The following FOXP1 variants were observed in gnomAD, a reference collection of about 807,000 sequenced individuals.
FOXP1 encodes the protein forkhead box protein P1.
In FOXP1, 15 loss-of-function variants were observed where a neutral mutation model predicts 98.2. The observed-to-expected ratio is 0.15, with a 90% CI of 0.10 to 0.24. The LOEUF is 0.24. Among genes scored for constraint, FOXP1 ranks in the 10% least tolerant of loss-of-function variants. The pLI, the probability that FOXP1 is intolerant of heterozygous loss-of-function variation, is 1.00. For synonymous variants in FOXP1, 371 were observed against 314.5 expected (o/e 1.18, Z -1.90); for missense variants, 633 against 848.5 (o/e 0.75, Z 3.15).
chr3:71,156,240 T>C (rs1482841565), intron 6 of FOXP1, among the ~76,000 whole-genome samples: 1 of 152,122 alleles, frequency 6.6e-6, no homozygotes, highest in Non-Finnish European at 1.5e-5. Context: ...CCATGATGCA[T>C]GGCTCTGGGA....
intron 3 of FOXP1, among the ~76,000 whole-genome samples, chr3:71,397,073 T>TACAC (rs373329722): frequency 4.7e-5 from 2 of 42,724 alleles, no homozygotes; most frequent in Non-Finnish European, 1.0e-4. Context: ...TATATATATA[T>TACAC]ACATATATAT....
chr3:71,159,371 T>G (rs536923903), intron 6 of FOXP1, among the ~76,000 whole-genome samples: 1 of 152,286 alleles, frequency 6.6e-6, no homozygotes, highest in Non-Finnish European at 1.5e-5. Flanking sequence ...ACTTAATAAC[T>G]GCCTTCAAGT....
At chr3:71,549,794 T>G (rs1276163562) in intron 2 of FOXP1, among the ~76,000 whole-genome samples, 3 of 150,374 alleles carry the variant, frequency 2.0e-5, no homozygotes, top group Non-Finnish European at 4.4e-5. Context: ...GAACTGAGAC[T>G]TGCTGAAAGC....
intron 6 of FOXP1, among the ~76,000 whole-genome samples, chr3:71,151,262 A>G (rs904490780): frequency 2.0e-5 from 3 of 152,204 alleles, no homozygotes; most frequent in Non-Finnish European, 4.4e-5. Context: ...TTCATGCTGT[A>G]TTTTATTGAT....
chr3:71,266,357 C>G (rs1307616939), intron 5 of FOXP1, among the ~76,000 whole-genome samples: 1 of 152,104 alleles, frequency 6.6e-6, no homozygotes, highest in Non-Finnish European at 1.5e-5. Flanking sequence ...TTAAGCAATT[C>G]TCCTGCCTCA....
intron 4 of FOXP1, among the ~76,000 whole-genome samples, chr3:71,338,833 G>A (rs183119425): frequency 6.6e-6 from 1 of 152,280 alleles, no homozygotes; most frequent in Admixed American, 6.5e-5. Flanking sequence ...TGCATTAATG[G>A]TTAAAAGGTG....
At chr3:71,510,611 T>C (rs946359631) in intron 2 of FOXP1, among the ~76,000 whole-genome samples, 1 of 152,176 alleles carries the variant, frequency 6.6e-6, no homozygotes, top group Non-Finnish European at 1.5e-5. Flanking sequence ...TGTAGTGTCC[T>C]CCCAGTGCTG....
intron 4 of FOXP1, among the ~76,000 whole-genome samples, chr3:71,348,129 C>T (rs574460720): frequency 6.6e-6 from 1 of 151,868 alleles, no homozygotes; most frequent in African/African-American, 2.4e-5. Flanking sequence ...CTCTCTCTCT[C>T]TAACTATTTT....
At chr3:71,272,078 A>G (rs927290487) in intron 5 of FOXP1, among the ~76,000 whole-genome samples, 2 of 152,218 alleles carry the variant, frequency 1.3e-5, no homozygotes, top group Admixed American at 1.3e-4. Flanking sequence ...GTCTTAATAG[A>G]CAGGTTCTCT....
At chr3:71,046,402 T>C (rs950177479) in intron 10 of FOXP1, among the ~76,000 whole-genome samples, 3 of 151,678 alleles carry the variant, frequency 2.0e-5, no homozygotes, top group African/African-American at 7.3e-5. Flanking sequence ...AATCAACAGA[T>C]GAATGCAAAA....
At chr3:71,257,458 C>T (rs2068726635) in intron 5 of FOXP1, among the ~76,000 whole-genome samples, 1 of 151,622 alleles carries the variant, frequency 6.6e-6, no homozygotes, top group Non-Finnish European at 1.5e-5. Context: ...GGTGGCAGGC[C>T]CCTGTAATCC....
intron 3 of FOXP1, among the ~76,000 whole-genome samples, chr3:71,480,934 T>C (rs923247741): frequency 1.5e-4 from 23 of 152,196 alleles, no homozygotes; most frequent in Non-Finnish European, 3.1e-4. Flanking sequence ...GTAGTGGTAA[T>C]TAGGCCTCAA....
chr3:71,041,513 C>T lies in FOXP1; in HGVS notation c.684G>A (p.Leu228=), dbSNP rs780860188. The change falls in exon 11 of 21, where the codon CTG becomes CTA. Residue 228 remains leucine, a synonymous_variant. Coordinates refer to ENST00000649528, the MANE Select transcript of FOXP1 (RefSeq NM_001349338.3). ...PLAQGMIPTE[L]QQLWKEVTSA... is the part of the protein sequence containing the mutation. Reference sequence around the variant, plus strand: ...TTGTCACTTCTTTCCAGAGCTGCTGCAGTTCTGTTGGAATCATGCCTGAAA... The same window carrying T: ...TTGTCACTTCTTTCCAGAGCTGCTGTAGTTCTGTTGGAATCATGCCTGAAA... The T allele has an allele frequency of 1.2e-6, 2 of 1,613,694 alleles. No homozygotes were observed. Among genetic ancestry groups the T allele is most frequent in the Non-Finnish European group, 1.7e-6 (2 of 1,179,800 alleles).
At chr3:71,312,628 G>A (rs1213838440) in intron 4 of FOXP1, among the ~76,000 whole-genome samples, 1 of 152,246 alleles carries the variant, frequency 6.6e-6, no homozygotes, top group Non-Finnish European at 1.5e-5. Flanking sequence ...ATTCAAGGCT[G>A]CAGTGAGCTA....
chr3:71,166,356 A>T lies in FOXP1; in HGVS notation c.180+31846T>A, dbSNP rs567273061. ...CATTAATGACACCTGGAAACCTGTT[A>T]CGGCCCCCATCTTCCAAAGATTCAC... On this transcript the variant is annotated intron_variant, in intron 6 of 20. Coordinates refer to ENST00000649528, the MANE Select transcript of FOXP1 (RefSeq NM_001349338.3). Among the ~76,000 whole-genome samples, 30 of 152,338 alleles carry T rather than the reference A, an allele frequency of 2.0e-4. 1 individual carries two copies. The highest frequency in any genetic ancestry group is 6.5e-4 in the African/African-American group (27 of 41,580).
intron 3 of FOXP1, among the ~76,000 whole-genome samples, chr3:71,418,935 CAAA>C (rs34398058): frequency 9.2e-6 from 1 of 108,676 alleles, no homozygotes; most frequent in African/African-American, 3.6e-5. Flanking sequence ...AGACCGGTCT[CAAA>C]AAAAAAAAAA....
At chr3:71,061,229 T>C (rs1021860727) in intron 7 of FOXP1, among the ~76,000 whole-genome samples, 1 of 152,146 alleles carries the variant, frequency 6.6e-6, no homozygotes, top group African/African-American at 2.4e-5. Context: ...ACAAACCTTT[T>C]ATCAAACAAC....
intron 6 of FOXP1, chr3:71,130,512 G>A: frequency 6.3e-7 from 1 of 1,598,428 alleles, no homozygotes. Context: ...AAAATGAAGA[G>A]TTTGGCGAAG....
chr3:71,497,471 C>T (rs2091498904), intron 2 of FOXP1, among the ~76,000 whole-genome samples: 1 of 152,158 alleles, frequency 6.6e-6, no homozygotes, highest in Non-Finnish European at 1.5e-5. Context: ...GCAGTACCCC[C>T]ACTTGCTTTC....
Sources: gnomAD v4.1 joint callset for allele counts (sites outside exome capture counted in the v4.1 genomes callset) on GRCh38, gnomAD v4.1.1 for gene constraint, MANE v1.5 for transcripts, NCBI Gene and HGNC (gene_info 2026-07-23, HGNC 2026-07-21) for gene names.